MMS19: variants seen among roughly 807,000 people sequenced by gnomAD.
The protein encoded by MMS19 is MMS19 cytosolic iron-sulfur assembly component.
Under a neutral mutation model 129.8 loss-of-function variants are expected in MMS19, and 77 were observed. That is an observed-to-expected ratio of 0.59 (90% CI 0.49 to 0.72). The LOEUF (loss-of-function observed/expected upper bound fraction) is 0.72. MMS19 is among the 30% of genes least tolerant of loss of function. The probability of loss-of-function intolerance (pLI) is 0.00; values close to 1 mark genes in which losing one functional copy is unlikely to be tolerated. For missense variants in MMS19, 1,168 were observed against 1,266.3 expected (o/e 0.92, Z 1.18); for synonymous variants, 491 against 502.8 (o/e 0.98, Z 0.31).
intron 27 of MMS19, 30 bp from the exon 28 acceptor site, chr10:97,459,556 G>C: frequency 1.9e-6 from 3 of 1,607,404 alleles, no homozygotes; most frequent in Non-Finnish European, 2.6e-6. Flanking sequence ...GTAGGGGATG[G>C]CCACATCATG....
At chr10:97,480,709 A>G (rs1191374277) in intron 3 of MMS19, among the ~76,000 whole-genome samples, 1 of 152,142 alleles carries the variant, frequency 6.6e-6, no homozygotes, top group Non-Finnish European at 1.5e-5. Context: ...CCACCCAAGT[A>G]GCTGCAGGCG....
intron 1 of MMS19, among the ~76,000 whole-genome samples, chr10:97,485,766 C>T (rs1208364830): frequency 3.3e-5 from 5 of 152,212 alleles, no homozygotes; most frequent in Non-Finnish European, 7.3e-5. Flanking sequence ...TTTTAAAGCA[C>T]TAGTGAGATA....
intron 1 of MMS19, among the ~76,000 whole-genome samples, chr10:97,491,654 G>GA (rs996045722): frequency 4.0e-5 from 6 of 150,268 alleles, no homozygotes; most frequent in Admixed American, 1.3e-4. Context: ...CCGTCTCAAA[G>GA]AAAAAAAAAG....
At chr10:97,470,990 G>A in intron 8 of MMS19, 129 bp from the exon 9 acceptor site, 1 of 557,576 alleles carries the variant, frequency 1.8e-6, no homozygotes, top group Non-Finnish European at 3.0e-6. Context: ...AAGATAATGA[G>A]GCCCCAGCAA....
At position 97,469,704 on chromosome 10, in the gene MMS19, T is replaced by C. The variant is rs2034281204; in HGVS notation, c.866A>G (p.Tyr289Cys). ...LQTLNACCAV[Y>C]GQKELKDFLP... is the part of the protein sequence containing the mutation. ...GAAGTCCTTCAGTTCCTTCTGTCCA[T>C]ACACAGCACAGCAAGCATTCTGCCA... Residue 289 changes from tyrosine to cysteine, a missense_variant, in exon 11 of 31, where the codon TAT (tyrosine) becomes TGT (cysteine). Tyr to Cys is a radical substitution (Grantham distance 194). Transcript: ENST00000438925. The C allele has an allele frequency of 6.2e-7, 1 of 1,613,936 alleles. No homozygotes were observed. The highest frequency in any genetic ancestry group is 8.5e-7 in the Non-Finnish European group (1 of 1,179,876).
intron 14 of MMS19, 147 bp downstream of exon 14, chr10:97,467,358 T>C: frequency 1.6e-6 from 1 of 613,628 alleles, no homozygotes; most frequent in Admixed American, 3.0e-5. Flanking sequence ...CTCATCCATC[T>C]CATCTGTTAA....
rs1256773084 is a variant in MMS19, at chr10:97,480,898, G to T, written c.262+44C>A. 4 of 1,394,250 alleles carry T rather than the reference G, an allele frequency of 2.9e-6. No homozygotes were observed. The South Asian group carries it at 3.7e-5, about 13-fold the overall frequency. 86.4% of individuals were successfully genotyped at this position (1,394,250 alleles called of 1,614,324 possible). A position where few individuals can be genotyped will look rare whatever the true frequency, so the allele number is the denominator to read the frequency against. On this transcript the variant is annotated intron_variant, in intron 3 of 30. Coordinates refer to ENST00000438925, the MANE Select transcript of MMS19 (RefSeq NM_022362.5). Reference sequence around the variant, plus strand: ...GGCTTGAATAGACATGGGAGACCTGGGCTCAGCAATCCAGGAAGACATTCC... The same window carrying T: ...GGCTTGAATAGACATGGGAGACCTGTGCTCAGCAATCCAGGAAGACATTCC...
intron 1 of MMS19, among the ~76,000 whole-genome samples, chr10:97,486,575 G>C (rs2037877944): frequency 6.6e-6 from 1 of 152,124 alleles, no homozygotes; most frequent in African/African-American, 2.4e-5. Flanking sequence ...AGTATCCTAT[G>C]ATCTCACTTA....
At chr10:97,484,051 C>A (rs2135470973) in intron 2 of MMS19, 52 bp downstream of exon 2, 1 of 1,258,020 alleles carries the variant, frequency 7.9e-7, no homozygotes, top group East Asian at 2.5e-5. Flanking sequence ...AGTAACTTTT[C>A]AGAATACACA....
chr10:97,470,680 G>A, intron 9 of MMS19, 95 bp downstream of exon 9: 1 of 753,594 alleles, frequency 1.3e-6, no homozygotes, highest in Non-Finnish European at 2.3e-6. Flanking sequence ...GCCCTAAAAT[G>A]TATACCAGAT....
At chr10:97,467,483 C>G (rs1412757812) in intron 14 of MMS19, 22 bp downstream of exon 14, 1 of 1,584,882 alleles carries the variant, frequency 6.3e-7, no homozygotes, top group Admixed American at 1.7e-5. Context: ...CCCCAGAGCA[C>G]TGCAATGGAA....
rs758425132 is a variant in MMS19 at position 97,470,222 on chromosome 10, A to C, written c.772-19T>G. The C allele has an allele frequency of 6.3e-7, 1 of 1,580,074 alleles. No homozygotes were observed. Among genetic ancestry groups the C allele is most frequent in the South Asian group, 1.1e-5 (1 of 87,096 alleles). ...GCAGAAACTGTGGGACAGAAGGAAG[A>C]TCTTAAGCCTGAGATGGGTGGTGTG... On this transcript the variant is annotated intron_variant, in intron 9 of 30. Transcript: ENST00000438925.
chr10:97,468,434 GGGA>G (rs1265085284), intron 12 of MMS19, 28 bp from the exon 13 acceptor site: 21 of 1,564,824 alleles, frequency 1.3e-5, no homozygotes, highest in Non-Finnish European at 1.8e-5. Flanking sequence ...CACAGAGCTG[GGGA>G]GGAGGCCAAA....
At chr10:97,462,834 G>T in intron 19 of MMS19, 152 bp from the exon 20 acceptor site, 1 of 646,260 alleles carries the variant, frequency 1.5e-6, no homozygotes, top group Non-Finnish European at 2.7e-6. Flanking sequence ...ATAGTCCTGA[G>T]AATCAGGGCA....
intron 3 of MMS19, 26 bp from the exon 4 acceptor site, chr10:97,478,415 G>C: frequency 2.6e-6 from 4 of 1,556,086 alleles, no homozygotes; most frequent in Non-Finnish European, 3.5e-6. Flanking sequence ...TCAGCCATTA[G>C]TTGACATAGG....
At chr10:97,486,888 T>TATATATATATATATATATATAC in intron 1 of MMS19, among the ~76,000 whole-genome samples, 1 of 120,232 alleles carries the variant, frequency 8.3e-6, no homozygotes, top group Non-Finnish European at 1.8e-5. Context: ...TATATATATA[T>TATATATATATATATATATATAC]ATATATAAAA....
At chr10:97,471,545 CTG>C (rs981262583) in intron 8 of MMS19, among the ~76,000 whole-genome samples, 1 of 152,052 alleles carries the variant, frequency 6.6e-6, no homozygotes, top group African/African-American at 2.4e-5. Flanking sequence ...GAGTCTCACT[CTG>C]TCACCCATGC....
chr10:97,474,309 G>A (rs1282710603), intron 8 of MMS19, among the ~76,000 whole-genome samples: 3 of 151,974 alleles, frequency 2.0e-5, no homozygotes, highest in Non-Finnish European at 2.9e-5. Flanking sequence ...TTGGGAGGCC[G>A]AGGCAGGTAG....
rs29001316 is a variant in MMS19 at position 97,466,413 on chromosome 10, G to A, written c.1505+91C>T. The A allele has an allele frequency of 3.3e-5, 36 of 1,078,742 alleles. No homozygotes were observed. The South Asian group carries it at 4.3e-4, about 13-fold the overall frequency. The allele number at this position is 1,078,742 out of a possible 1,614,324, so 66.8% of individuals were successfully genotyped here. ...CTCCCCTAAGGAGAGCCAAGGGTCA[G>A]AAGCACAGAGCCCTGGTCCTAGCTT... is the stretch of plus-strand genomic sequence containing the variant. On this transcript the variant is annotated intron_variant, in intron 16 of 30. Transcript: ENST00000438925.
Sources: gnomAD v4.1 joint callset for allele counts (sites outside exome capture counted in the v4.1 genomes callset) on GRCh38, gnomAD v4.1.1 for gene constraint, MANE v1.5 for transcripts, NCBI Gene and HGNC (gene_info 2026-07-23, HGNC 2026-07-21) for gene names.